The following MDN1 variants were observed in gnomAD, a reference collection of about 807,000 sequenced individuals.
MDN1 encodes the protein midasin AAA ATPase 1.
MDN1 carries 266 observed loss-of-function variants against 669.2 expected under a neutral mutation model. That is an observed-to-expected ratio of 0.40 (90% CI 0.36 to 0.44). MDN1 has a LOEUF of 0.44. Ranked by LOEUF, MDN1 falls within the 20% of genes least tolerant of loss-of-function variation. The pLI is 1.00. For synonymous variants in MDN1, 2,385 were observed against 2,457.1 expected (o/e 0.97, Z 0.87); for missense variants, 5,940 against 6,754.0 (o/e 0.88, Z 4.22).
At chr6:89,743,866 G>A in intron 29 of MDN1, 152 bp from the exon 30 acceptor site, 1 of 771,166 alleles carries the variant, frequency 1.3e-6, no homozygotes, top group Non-Finnish European at 2.1e-6. Context: ...CCAGGCTCAT[G>A]GCACCCCTCT....
intron 1 of MDN1, among the ~76,000 whole-genome samples, chr6:89,811,441 T>A (rs1178048260): frequency 6.6e-6 from 1 of 152,024 alleles, no homozygotes; most frequent in Non-Finnish European, 1.5e-5. Context: ...TTACTTCTTT[T>A]TATTTTTTTT....
chr6:89,799,716 A>C (rs1767504410), intron 2 of MDN1, among the ~76,000 whole-genome samples: 1 of 152,214 alleles, frequency 6.6e-6, no homozygotes, highest in Non-Finnish European at 1.5e-5. Context: ...AGTAAAGGTG[A>C]TCAGTTTTAT....
Position 89,780,306 on chromosome 6 carries a change from G to T in MDN1, c.1644-13C>A. ...ATTCAGCAGATCCCTTTAAAAAAAA[G>T]AAAGAAAAGAAAAAACAAAGAAAAG... is the stretch of plus-strand genomic sequence containing the variant. On this transcript the variant is annotated splice_polypyrimidine_tract_variant and intron_variant, in intron 10 of 101. Transcript: ENST00000369393. The T allele has an allele frequency of 6.6e-7, 1 of 1,520,516 alleles. No homozygotes were observed. The highest frequency in any genetic ancestry group is 8.9e-7 in the Non-Finnish European group (1 of 1,129,452). 94.2% of individuals were successfully genotyped at this position (1,520,516 alleles called of 1,614,324 possible). A position where few individuals can be genotyped will look rare whatever the true frequency, so the allele number is the denominator to read the frequency against.
chr6:89,692,883 G>A lies in MDN1; in HGVS notation c.10147C>T (p.Arg3383Trp), dbSNP rs770965969. ...ASWQQSHHQF[R>W]KRLSEEYTFY... is the part of the protein sequence containing the mutation. ...GTGTACTCCTCTGACAGCCGCTTCC[G>A]GAACTGGTGGTGTGACTGCTGCCAA... The change falls in exon 63 of 102, where the codon CGG becomes TGG. Residue 3383 changes from arginine to tryptophan, a missense_variant. Around this residue, in one of 5 missense-constraint regions of MDN1, gnomAD observed 150 missense variants for 234.2 expected, o/e 0.64. Coordinates refer to ENST00000369393, the MANE Select transcript of MDN1 (RefSeq NM_014611.3). 17 of 1,614,214 alleles carry A rather than the reference G, an allele frequency of 1.1e-5. 1 individual carries two copies. The highest frequency in any genetic ancestry group is 2.2e-5 in the East Asian group (1 of 44,882).
rs1441697329 is a variant in MDN1, at chr6:89,668,041, C to G, written c.14067G>C (p.Val4689=). 10 of 1,613,946 alleles carry G rather than the reference C, an allele frequency of 6.2e-6. No individual in the cohort carries two copies. The change falls in exon 84 of 102, where the codon GTG becomes GTC. Residue 4689 remains valine (V), a synonymous_variant. Transcript: ENST00000369393. ...GIGEGEGMKD[V]SDQIGNEEQV... ...GTTCTTCATTTCCGATCTGGTCACT[C>G]ACATCCTTCATGCCCTCGCCTTCTC...
At chr6:89,745,212 A>G in intron 29 of MDN1, 61 bp downstream of exon 29, 1 of 1,580,008 alleles carries the variant, frequency 6.3e-7, no homozygotes, top group Non-Finnish European at 8.6e-7. Context: ...CTTCAGTGAT[A>G]ACTCAAGTAA....
rs143656815 is a variant in MDN1 at position 89,745,727 on chromosome 6, G to A, written c.3905-101C>T. ...TGAAACAATAGAAACTCTCATACGCGGCTGGTGAGGTAGAAATCTGAAGAA... is the reference window on the plus strand; with the variant it reads ...TGAAACAATAGAAACTCTCATACGCAGCTGGTGAGGTAGAAATCTGAAGAA... On this transcript the variant is annotated intron_variant, in intron 27 of 101. Transcript: ENST00000369393. 1.2e-4 allele frequency: 139 copies of A among 1,157,476 alleles called. 1 individual carries two copies. The highest frequency in any genetic ancestry group is 2.9e-4 in the Middle Eastern group (1 of 3,418). 71.7% of individuals were successfully genotyped at this position (1,157,476 alleles called of 1,614,324 possible).
At chr6:89,646,738 G>A in intron 99 of MDN1, 135 bp from the exon 100 acceptor site, 1 of 692,334 alleles carries the variant, frequency 1.4e-6, no homozygotes, top group Non-Finnish European at 2.5e-6. Flanking sequence ...TCAACTAACT[G>A]TCCCTTCTGG....
intron 15 of MDN1, among the ~76,000 whole-genome samples, chr6:89,765,830 C>T (rs1175802498): frequency 6.6e-6 from 1 of 152,096 alleles, no homozygotes; most frequent in Admixed American, 6.5e-5. Flanking sequence ...TTTAAGAAGA[C>T]CAGCTAAGTT....
At chr6:89,772,515 G>T in intron 14 of MDN1, 58 bp downstream of exon 14, 1 of 1,569,108 alleles carries the variant, frequency 6.4e-7, no homozygotes, top group Non-Finnish European at 8.7e-7. Flanking sequence ...TTTAAAAAAG[G>T]AAAAAAAGTA....
At position 89,806,757 on chromosome 6, in the gene MDN1, A is replaced by T. The variant is rs536037267; in HGVS notation, c.103-3203T>A. On this transcript the variant is annotated intron_variant, in intron 1 of 101. Transcript: ENST00000369393. Reference sequence around the variant, plus strand: ...TTTTTAAAAAAAGCTTAATTAAAAAATTTTTTTTTTTTTAATTAGCTGGTG... The same window carrying T: ...TTTTTAAAAAAAGCTTAATTAAAAATTTTTTTTTTTTTTAATTAGCTGGTG... 1.9e-3 allele frequency among the ~76,000 whole-genome samples: 277 copies of T among 149,508 alleles called. 4 individuals are homozygous for T. In the South Asian group the frequency reaches 0.024, roughly 13 times the overall value.
intron 20 of MDN1, 24 bp downstream of exon 20, chr6:89,756,253 A>G (rs781581303): frequency 1.7e-6 from 2 of 1,183,546 alleles, no homozygotes; most frequent in South Asian, 2.9e-5. Flanking sequence ...AAGAGCTTAT[A>G]AAGACATACA....
At chr6:89,725,527 C>T in intron 37 of MDN1, 131 bp from the exon 38 acceptor site, 1 of 803,020 alleles carries the variant, frequency 1.2e-6, no homozygotes, top group Non-Finnish European at 2.0e-6. Context: ...ATATTGATAA[C>T]CTTCTGTATT....
intron 31 of MDN1, 132 bp downstream of exon 31, chr6:89,743,018 G>T: frequency 9.2e-7 from 1 of 1,092,800 alleles, no homozygotes; most frequent in Non-Finnish European, 1.3e-6. Flanking sequence ...GAAGTTTGAG[G>T]CTACAGTGAA....
In MDN1 at chr6:89,779,491, A is replaced by G. The variant is rs185998388; in HGVS notation, c.1725+721T>C. 1.2e-3 allele frequency among the ~76,000 whole-genome samples: 184 copies of G among 152,312 alleles called. 3 individuals carry two copies. Among genetic ancestry groups the G allele is most frequent in the Admixed American group, 0.012 (178 of 15,296 alleles). ...CCTGGATTTATGGTGTCTTACAAAG[A>G]GGTTCAGTCAACCAACATCAACCAG... is the stretch of plus-strand genomic sequence containing the variant. On this transcript the variant is annotated intron_variant, in intron 11 of 101. Transcript: ENST00000369393.
At chr6:89,813,242 A>AT (rs1364030179) in intron 1 of MDN1, among the ~76,000 whole-genome samples, 1 of 151,962 alleles carries the variant, frequency 6.6e-6, no homozygotes, top group Non-Finnish European at 1.5e-5. Context: ...CGGCCACAAA[A>AT]TTTTTTTTAG....
intron 58 of MDN1, among the ~76,000 whole-genome samples, chr6:89,699,251 G>A (rs1812976156): frequency 6.6e-6 from 1 of 152,120 alleles, no homozygotes; most frequent in African/African-American, 2.4e-5. Context: ...CTATTAACAG[G>A]AGTGTACCAG....
chr6:89,690,053 G>C lies in MDN1; in HGVS notation c.10840C>G (p.Leu3614Val), dbSNP rs1215676980. Residue 3614 changes from leucine (L) to valine (V), a missense_variant, in exon 65 of 102, where the codon CTC becomes GTC. Physicochemically the swap from Leu to Val is conservative, Grantham distance 32. Transcript: ENST00000369393. ...QEEEAGTNPA[L>V]LSQNSMQAVM... ...GCCTGCATTGAATTCTGGGAGAGGA[G>C]AGCTGGGTTTGTGCCTGCTTCCTCT... The C allele has an allele frequency of 5.0e-6, 8 of 1,614,210 alleles. 1 individual carries two copies. In the Admixed American group the frequency reaches 1.2e-4, roughly 24 times the overall value.
At chr6:89,758,684 T>A in intron 18 of MDN1, 132 bp downstream of exon 18, 1 of 968,942 alleles carries the variant, frequency 1.0e-6, no homozygotes, top group Non-Finnish European at 1.5e-6. Flanking sequence ...TGCAGAAAAT[T>A]AATATCTAAA....
Sources: allele counts gnomAD v4.1 joint callset (sites outside exome capture counted in the v4.1 genomes callset), GRCh38; gene constraint gnomAD v4.1.1; regional missense constraint gnomAD v4.1.1; transcripts MANE v1.5; gene names NCBI Gene and HGNC (gene_info 2026-07-23, HGNC 2026-07-21).